The following ZNF565 variants were observed in gnomAD, a reference collection of about 807,000 sequenced individuals.
The protein encoded by ZNF565 is zinc finger protein 565.
Under a neutral mutation model 39.4 loss-of-function variants are expected in ZNF565, and 27 were observed. The observed-to-expected ratio is 0.69, with a 90% CI of 0.51 to 0.95. The LOEUF (loss-of-function observed/expected upper bound fraction) is 0.95. ZNF565 is among the 40% of genes least tolerant of loss of function. The pLI, the probability that ZNF565 is intolerant of heterozygous loss-of-function variation, is 0.00. For synonymous variants in ZNF565, 185 were observed against 216.6 expected (o/e 0.85, Z 1.28); for missense variants, 524 against 621.1 (o/e 0.84, Z 1.66).
Position 36,182,872 on chromosome 19 carries a change from C to T in ZNF565, c.1094G>A (p.Cys365Tyr). 1 of 1,614,122 alleles carries T rather than the reference C, an allele frequency of 6.2e-7. No homozygotes were observed. The highest frequency in any genetic ancestry group is 8.5e-7 in the Non-Finnish European group (1 of 1,180,028). Residue 365 changes from cysteine to tyrosine, a missense_variant, in exon 5 of 5, where the codon TGT (cysteine) becomes TAT (tyrosine). Cys to Tyr is a radical substitution (Grantham distance 194, BLOSUM62 -2). Transcript: ENST00000304116. ...TCTGAAGGCCTTCCCACATTCCTTA[C>T]ACTCATAGGGTTTCTCCCCAGAATG... ...RIHSGEKPYE[C>Y]KECGKAFRQH... is the part of the protein sequence containing the mutation.
upstream of ZNF565, among the ~76,000 whole-genome samples, chr19:36,216,867 A>ATCCCAGCACTTTAGGTG (rs143459636): frequency 0.69 from 103,655 of 150,746 alleles, 35,766 homozygotes; most frequent in African/African-American, 0.74. Flanking sequence ...CACACCTGTG[A>ATCCCAGCACTTTAGGTG]GCCAAGGCAG....
chr19:36,222,778 C>CTTTTTTTTTT (rs55668684), intron 1 of ZNF565, among the ~76,000 whole-genome samples: 1 of 100,886 alleles, frequency 9.9e-6, no homozygotes, highest in Non-Finnish European at 2.0e-5. Context: ...TGAGTGGTGG[C>CTTTTTTTTTT]TTTTTTTTTT....
At chr19:36,200,848 G>T (rs1376656818) in intron 2 of ZNF565, among the ~76,000 whole-genome samples, 1 of 151,584 alleles carries the variant, frequency 6.6e-6, no homozygotes, top group Non-Finnish European at 1.5e-5. Context: ...GCAGTGGCGT[G>T]ATCTCTGCTT....
Position 36,182,912 on chromosome 19 carries a change from G to C in ZNF565, c.1054C>G (p.Arg352Gly). ...TCCCCAGAATGAATTCTTTGATGTC[G>C]AGTAACTTCTGAGCTGTGAATAAAG... is the stretch of plus-strand genomic sequence containing the variant. ...KGFIHSSEVTRHQRIHSGEKP... is the reference protein window; with the variant it reads ...KGFIHSSEVTGHQRIHSGEKP... Residue 352 changes from arginine (R) to glycine (G), a missense_variant, in exon 5 of 5, where the codon CGA (arginine) becomes GGA (glycine). Transcript: ENST00000304116. The C allele has an allele frequency of 1.2e-6, 2 of 1,613,920 alleles. No individual in the cohort carries two copies. Among genetic ancestry groups the C allele is most frequent in the Non-Finnish European group, 1.7e-6 (2 of 1,180,002 alleles).
rs1315805093 is a variant in ZNF565, at chr19:36,210,696, C to T, written c.-66+3926G>A. Among the ~76,000 whole-genome samples, 9 of 151,178 alleles carry T rather than the reference C, an allele frequency of 6.0e-5. No individual in the cohort carries two copies. In the East Asian group the frequency reaches 1.8e-3, roughly 30 times the overall value. On this transcript the variant is annotated intron_variant, in intron 1 of 4. Transcript: ENST00000304116. ...CTGGAATGCAGTGGTGTAATCTTGGCTCGCTGCAACCTCCGCCTCCCGGGC... is the reference window on the plus strand; with the variant it reads ...CTGGAATGCAGTGGTGTAATCTTGGTTCGCTGCAACCTCCGCCTCCCGGGC...
At chr19:36,228,880 C>T (rs1467001591) in intron 1 of ZNF565, 1 of 152,240 alleles carries the variant, frequency 6.6e-6, no homozygotes, top group African/African-American at 2.4e-5. Flanking sequence ...TGAAGTGCTT[C>T]AAAGGATGTT....
At position 36,237,545 on chromosome 19, in the gene ZNF565, T is replaced by G. The variant is rs922720199; in HGVS notation, c.55+7931A>C. 45 of 387,674 alleles carry G rather than the reference T, an allele frequency of 1.2e-4. No homozygotes were observed. The Middle Eastern group carries it at 2.2e-3, about 19-fold the overall frequency. 24.0% of individuals were successfully genotyped at this position (387,674 alleles called of 1,614,324 possible). A position where few individuals can be genotyped will look rare whatever the true frequency, so the allele number is the denominator to read the frequency against. ...CCTGCAGCAGAGATAATGGTGAAAG[T>G]TTAGGCACATTTTCACTAAAAGTGG... On this transcript the variant is annotated intron_variant, in intron 1 of 4. Coordinates refer to the ZNF565 transcript ENST00000355114.
intron 1 of ZNF565, among the ~76,000 whole-genome samples, chr19:36,241,208 G>A (rs751679783): frequency 3.3e-5 from 5 of 152,184 alleles, no homozygotes; most frequent in Non-Finnish European, 7.3e-5. Flanking sequence ...AAATGATGTC[G>A]GGGGCAGTGG....
At chr19:36,240,289 C>G (rs932097829) in intron 1 of ZNF565, among the ~76,000 whole-genome samples, 1 of 152,164 alleles carries the variant, frequency 6.6e-6, no homozygotes, top group African/African-American at 2.4e-5. Flanking sequence ...AGGCATGTGC[C>G]ACACATCTGT....
Position 36,183,336 on chromosome 19 carries a change from A to G in ZNF565, c.630T>C (p.Leu210=). The G allele has an allele frequency of 1.2e-6, 2 of 1,611,734 alleles. No homozygotes were observed. Among genetic ancestry groups the G allele is most frequent in the Non-Finnish European group, 1.7e-6 (2 of 1,179,214 alleles). The change falls in exon 5 of 5, where the codon CTT becomes CTC. Residue 210 remains leucine, a synonymous_variant. Transcript: ENST00000304116. Reference sequence around the variant, plus strand: ...CCGTGTGAATTCTCTGATGCTGAACAAGGTGTGAGGCACGGCTGAAGGCCT... The same window carrying G: ...CCGTGTGAATTCTCTGATGCTGAACGAGGTGTGAGGCACGGCTGAAGGCCT... ...CGKAFSRASH[L]VQHQRIHTGE...
At chr19:36,237,026 C>T (rs1048874816) in intron 1 of ZNF565, 3 of 1,613,878 alleles carry the variant, frequency 1.9e-6, no homozygotes, top group African/African-American at 1.3e-5. Flanking sequence ...CTTCTCTCAG[C>T]GAACATCACT....
intron 2 of ZNF565, among the ~76,000 whole-genome samples, chr19:36,196,056 C>T (rs1196256434): frequency 6.6e-6 from 1 of 151,838 alleles, no homozygotes; most frequent in East Asian, 1.9e-4. Flanking sequence ...TCTGCTTCAG[C>T]CTCCTGAGTA....
At chr19:36,239,871 T>C (rs1446619456) in intron 1 of ZNF565, among the ~76,000 whole-genome samples, 2 of 152,240 alleles carry the variant, frequency 1.3e-5, no homozygotes, top group African/African-American at 4.8e-5. Flanking sequence ...AGAATATTAT[T>C]AAAGGTTTTC....
chr19:36,216,126 AAT>A (rs1224494357), upstream of ZNF565, among the ~76,000 whole-genome samples: 1 of 152,224 alleles, frequency 6.6e-6, no homozygotes, highest in East Asian at 1.9e-4. Flanking sequence ...TCTATAAATA[AAT>A]AGCCTTCTAA....
chr19:36,239,063 C>T (rs1977750862), intron 1 of ZNF565, among the ~76,000 whole-genome samples: 2 of 152,216 alleles, frequency 1.3e-5, no homozygotes, highest in African/African-American at 4.8e-5. Context: ...CCCCCACAAA[C>T]CGTCCGTGGA....
intron 1 of ZNF565, among the ~76,000 whole-genome samples, chr19:36,226,726 T>G (rs1190935004): frequency 2.6e-5 from 4 of 152,200 alleles, no homozygotes; most frequent in African/African-American, 4.8e-5. Context: ...TACATTAGTA[T>G]TATTTAATCC....
intron 1 of ZNF565, among the ~76,000 whole-genome samples, chr19:36,204,194 C>A (rs1976069259): frequency 6.6e-6 from 1 of 151,996 alleles, no homozygotes; most frequent in African/African-American, 2.4e-5. Flanking sequence ...AACTGATCTG[C>A]CCACCTCGGC....
intron 1 of ZNF565, among the ~76,000 whole-genome samples, chr19:36,233,768 CT>C (rs1475909900): frequency 1.3e-5 from 2 of 152,232 alleles, no homozygotes; most frequent in East Asian, 3.8e-4. Flanking sequence ...CGGTTTTCCC[CT>C]ATCTCAGTAG....
chr19:36,244,356 G>A (rs2918382), intron 1 of ZNF565, among the ~76,000 whole-genome samples: 2 of 151,542 alleles, frequency 1.3e-5, no homozygotes, highest in Non-Finnish European at 2.9e-5. Context: ...CAAGACCAGT[G>A]TGGTCAAAAT....
Sources: gnomAD v4.1 joint callset for allele counts (sites outside exome capture counted in the v4.1 genomes callset) on GRCh38, gnomAD v4.1.1 for gene constraint, MANE v1.5 for transcripts, NCBI Gene and HGNC (gene_info 2026-07-23, HGNC 2026-07-21) for gene names.